Variants in ANKS1B observed in about 807,000 individuals in gnomAD.
ANKS1B encodes ankyrin repeat and sterile alpha motif domain containing 1B.
ANKS1B carries 36 observed loss-of-function variants against 148.3 expected under a neutral mutation model. That is an observed-to-expected ratio of 0.24 (90% CI 0.19 to 0.32). The LOEUF (loss-of-function observed/expected upper bound fraction) is 0.32, where lower values mean the gene tolerates loss of function less well. ANKS1B is among the 10% of genes least tolerant of loss of function. ANKS1B has a pLI of 1.00. For missense variants in ANKS1B, 1,157 were observed against 1,542.6 expected, an observed-to-expected ratio of 0.75 and a Z score of 4.19; for synonymous variants, 542 against 560.8, an observed-to-expected ratio of 0.97 and a Z score of 0.47.
At chr12:99,505,688 A>G (rs2096704625) in intron 9 of ANKS1B, among the ~76,000 whole-genome samples, 1 of 150,236 alleles carries the variant, frequency 6.7e-6, no homozygotes, top group African/African-American at 2.4e-5. Flanking sequence ...TTTTAAACTA[A>G]TGAGACATAA....
chr12:99,072,966 C>T (rs920872173), intron 16 of ANKS1B, among the ~76,000 whole-genome samples: 4 of 152,154 alleles, frequency 2.6e-5, no homozygotes, highest in Non-Finnish European at 4.4e-5. Context: ...AAAGGAGATA[C>T]ATTTTGCTTA....
intron 1 of ANKS1B, among the ~76,000 whole-genome samples, chr12:99,845,152 C>T (rs375941461): frequency 3.3e-5 from 5 of 152,260 alleles, no homozygotes; most frequent in South Asian, 2.1e-4. Flanking sequence ...GGGTTTTCTA[C>T]ATATAGGATC....
intron 15 of ANKS1B, among the ~76,000 whole-genome samples, chr12:99,140,665 C>T (rs1009830573): frequency 4.9e-4 from 74 of 152,058 alleles, no homozygotes; most frequent in African/African-American, 1.8e-3. Context: ...AGGGACTGGC[C>T]CACGATCTCA....
chr12:99,309,277 T>G (rs1459720146), intron 12 of ANKS1B, among the ~76,000 whole-genome samples: 2 of 152,070 alleles, frequency 1.3e-5, no homozygotes, highest in Admixed American at 6.6e-5. Context: ...CTTCCATTTA[T>G]TGTTTGCTAA....
intron 17 of ANKS1B, among the ~76,000 whole-genome samples, chr12:98,951,975 C>A (rs2099854750): frequency 6.6e-6 from 1 of 152,108 alleles, no homozygotes; most frequent in Non-Finnish European, 1.5e-5. Context: ...ACAAAAAGCC[C>A]TCAATAAAAT....
chr12:98,827,654 G>A (rs571441791), intron 19 of ANKS1B, among the ~76,000 whole-genome samples: 4 of 152,114 alleles, frequency 2.6e-5, no homozygotes, highest in South Asian at 2.1e-4. Context: ...AGGGTAAGTC[G>A]TTTTTTAAAA....
intron 11 of ANKS1B, among the ~76,000 whole-genome samples, chr12:99,430,979 T>C (rs2095359602): frequency 6.6e-6 from 1 of 152,232 alleles, no homozygotes; most frequent in Non-Finnish European, 1.5e-5. Context: ...GCAGTGTGGT[T>C]AATTTGTTTC....
rs572969718 is a variant in ANKS1B, at chr12:99,968,431, G to C, written c.134+15673C>G. 9.5e-4 allele frequency among the ~76,000 whole-genome samples: 145 copies of C among 152,258 alleles called. 1 individual carries two copies. The highest frequency in any genetic ancestry group is 1.5e-3 in the Non-Finnish European group (99 of 68,024). ...AAAATAGCCCGGTGTGGTGGCGGGC[G>C]CCTGTAGTCCCGGCTACTCGGGAGG... On this transcript the variant is annotated intron_variant, in intron 1 of 26. Coordinates refer to ENST00000683438, the MANE Select transcript of ANKS1B (RefSeq NM_001352186.2).
intron 17 of ANKS1B, among the ~76,000 whole-genome samples, chr12:98,996,584 G>A (rs1373566091): frequency 1.3e-5 from 2 of 151,942 alleles, no homozygotes; most frequent in East Asian, 1.9e-4. Flanking sequence ...GGAGGTCGAG[G>A]CAGGTGGATC....
chr12:98,760,467 T>G (rs971901472), intron 25 of ANKS1B, among the ~76,000 whole-genome samples: 1 of 152,176 alleles, frequency 6.6e-6, no homozygotes, highest in Admixed American at 6.5e-5. Flanking sequence ...GGTTTCAACA[T>G]GTTGCCCAGG....
chr12:99,731,408 C>T (rs1019571444), intron 8 of ANKS1B, among the ~76,000 whole-genome samples: 5 of 136,186 alleles, frequency 3.7e-5, no homozygotes, highest in African/African-American at 5.6e-5. Flanking sequence ...CGTGAACCAC[C>T]GTGCCGTGTG....
At chr12:99,833,666 C>A (rs1206467782) in intron 1 of ANKS1B, among the ~76,000 whole-genome samples, 1 of 151,792 alleles carries the variant, frequency 6.6e-6, no homozygotes, top group Admixed American at 6.6e-5. Flanking sequence ...GTACCTCAGG[C>A]AAAAAATGGA....
intron 1 of ANKS1B, among the ~76,000 whole-genome samples, chr12:99,873,422 A>AG (rs2153730363): frequency 1.3e-5 from 2 of 152,278 alleles, no homozygotes; most frequent in African/African-American, 4.8e-5. Context: ...TGCTGTGCAA[A>AG]GGAACAGGAA....
chr12:98,772,151 T>C (rs1472143917), intron 25 of ANKS1B, among the ~76,000 whole-genome samples: 2 of 152,184 alleles, frequency 1.3e-5, no homozygotes, highest in East Asian at 3.8e-4. Context: ...GTACTTGGTG[T>C]TATGAGTGGA....
At chr12:99,621,221 C>A (rs988522402) in intron 9 of ANKS1B, among the ~76,000 whole-genome samples, 1 of 152,012 alleles carries the variant, frequency 6.6e-6, no homozygotes, top group Non-Finnish European at 1.5e-5. Flanking sequence ...TACCACTAGA[C>A]CAACCTTACA....
intron 17 of ANKS1B, among the ~76,000 whole-genome samples, chr12:98,902,893 C>A (rs1040321844): frequency 3.9e-5 from 6 of 152,176 alleles, no homozygotes; most frequent in Non-Finnish European, 8.8e-5. Context: ...AGCTCATTCC[C>A]ACAGCACCTT....
At chr12:98,968,035 A>G (rs2099880027) in intron 17 of ANKS1B, among the ~76,000 whole-genome samples, 1 of 152,186 alleles carries the variant, frequency 6.6e-6, no homozygotes, top group African/African-American at 2.4e-5. Flanking sequence ...AAGAGAGCTC[A>G]TGGTGGAAGA....
intron 9 of ANKS1B, among the ~76,000 whole-genome samples, chr12:99,587,948 G>C (rs1249621648): frequency 6.6e-6 from 1 of 152,144 alleles, no homozygotes; most frequent in Non-Finnish European, 1.5e-5. Flanking sequence ...TGTTACAGAA[G>C]ACAAAGGAGA....
At chr12:99,566,859 A>C (rs928082085) in intron 9 of ANKS1B, among the ~76,000 whole-genome samples, 3 of 152,206 alleles carry the variant, frequency 2.0e-5, no homozygotes, top group Non-Finnish European at 4.4e-5. Flanking sequence ...ATGGACTAAG[A>C]CATAGGCTTC....
Sources: gnomAD v4.1 joint callset for allele counts (sites outside exome capture counted in the v4.1 genomes callset) on GRCh38, gnomAD v4.1.1 for gene constraint, MANE v1.5 for transcripts, NCBI Gene and HGNC (gene_info 2026-07-23, HGNC 2026-07-21) for gene names.